The following TMEM272 variants were observed in gnomAD, a reference collection of about 807,000 sequenced individuals.
The protein encoded by TMEM272 is transmembrane protein 272, also known as long intergenic non-protein coding RNA 282.
In TMEM272, 8 loss-of-function variants were observed where a neutral mutation model predicts 3.7. The observed-to-expected ratio is 2.17, with a 90% CI of 1.27 to 3.91. The LOEUF (loss-of-function observed/expected upper bound fraction) is 3.91, where lower values mean the gene tolerates loss of function less well. Among genes scored for constraint, TMEM272 ranks in the 30% most tolerant of loss-of-function variants. The pLI is 0.00. For missense variants in TMEM272, 166 were observed against 91.5 expected, an observed-to-expected ratio of 1.81 and a Z score of -3.32; for synonymous variants, 63 against 39.8, an observed-to-expected ratio of 1.58 and a Z score of -2.20.
intron 3 of TMEM272, among the ~76,000 whole-genome samples, chr13:51,822,702 T>C (rs1333777872): frequency 6.6e-6 from 1 of 152,206 alleles, no homozygotes; most frequent in Admixed American, 6.5e-5. Flanking sequence ...TGCCACTCGC[T>C]GGACCCCATG....
chr13:51,866,007 A>G, the TMEM272 span: 30 of 1,611,914 alleles, frequency 1.9e-5, no homozygotes, highest in Non-Finnish European at 2.5e-5. Flanking sequence ...GCCGGAGAGC[A>G]GATGCTCGAA....
the TMEM272 span, among the ~76,000 whole-genome samples, chr13:51,931,588 C>T: frequency 5.0e-3 from 763 of 152,096 alleles, 6 homozygotes; most frequent in Non-Finnish European, 7.6e-3. Flanking sequence ...TGTGTACCTA[C>T]GTAACAAACC....
chr13:51,865,879 A>C, the TMEM272 span: 1 of 1,613,452 alleles, frequency 6.2e-7, no homozygotes, highest in Non-Finnish European at 8.5e-7. Context: ...GGGTAGAGGA[A>C]AGAGCCCTCC....
the TMEM272 span, among the ~76,000 whole-genome samples, chr13:51,870,430 T>G: frequency 6.6e-6 from 1 of 152,122 alleles, no homozygotes; most frequent in Admixed American, 6.5e-5. Flanking sequence ...AATTTTCAAA[T>G]TAAAGGGCAA....
chr13:51,914,990 A>T, the TMEM272 span, among the ~76,000 whole-genome samples: 4 of 152,238 alleles, frequency 2.6e-5, no homozygotes, highest in African/African-American at 4.8e-5. Context: ...GAAAAGAAGG[A>T]TATAAAATTA....
chr13:51,824,703 A>T (rs1302364214), intron 3 of TMEM272, among the ~76,000 whole-genome samples: 2 of 152,250 alleles, frequency 1.3e-5, no homozygotes, highest in Non-Finnish European at 2.9e-5. Context: ...CTGTCATCCC[A>T]GCGCTTTGGG....
At chr13:51,933,379 A>C in the TMEM272 span, 1 of 152,224 alleles carries the variant, frequency 6.6e-6, no homozygotes, top group African/African-American at 2.4e-5. Context: ...GACGTAATCT[A>C]TCAAAAGTGC....
At chr13:51,868,442 A>C in the TMEM272 span, among the ~76,000 whole-genome samples, 2 of 152,256 alleles carry the variant, frequency 1.3e-5, no homozygotes, top group Non-Finnish European at 2.9e-5. Flanking sequence ...AAGGATAAGT[A>C]AGCTGTGTAC....
the TMEM272 span, among the ~76,000 whole-genome samples, chr13:51,869,314 G>A: frequency 6.6e-6 from 1 of 152,078 alleles, no homozygotes; most frequent in African/African-American, 2.4e-5. Context: ...GAGGAGGGTG[G>A]ACCATGTCCT....
At chr13:51,880,713 AT>A in the TMEM272 span, among the ~76,000 whole-genome samples, 9 of 152,346 alleles carry the variant, frequency 5.9e-5, no homozygotes, top group Non-Finnish European at 1.0e-4. Context: ...TTGGGGCCAC[AT>A]TTTTGAATGT....
intron 2 of TMEM272, among the ~76,000 whole-genome samples, chr13:51,827,898 C>T (rs994392566): frequency 6.6e-5 from 10 of 152,184 alleles, no homozygotes; most frequent in African/African-American, 2.4e-4. Context: ...GGGAGATTTA[C>T]TGAGAGTCAG....
chr13:51,874,137 C>T, the TMEM272 span, among the ~76,000 whole-genome samples: 3 of 152,154 alleles, frequency 2.0e-5, no homozygotes, highest in Non-Finnish European at 2.9e-5. Flanking sequence ...GGGTCCCTGC[C>T]TGGGACAGTA....
the TMEM272 span, among the ~76,000 whole-genome samples, chr13:51,879,610 A>G: frequency 6.6e-6 from 1 of 152,214 alleles, no homozygotes; most frequent in East Asian, 1.9e-4. Context: ...CGCTATATAA[A>G]GGCAAATGAA....
chr13:51,817,601 G>A (rs1304876502), intron 4 of TMEM272, among the ~76,000 whole-genome samples: 9 of 152,146 alleles, frequency 5.9e-5, no homozygotes, highest in African/African-American at 9.7e-5. Context: ...AGGCTTGGCC[G>A]AATCCAGGTA....
At chr13:51,823,380 G>A (rs376460303) in intron 3 of TMEM272, among the ~76,000 whole-genome samples, 18 of 152,348 alleles carry the variant, frequency 1.2e-4, no homozygotes, top group African/African-American at 4.3e-4. Context: ...GCCCAGCCCA[G>A]GCCAAAGCAT....
the TMEM272 span, chr13:51,909,793 G>C: frequency 3.2e-6 from 5 of 1,585,230 alleles, no homozygotes; most frequent in Non-Finnish European, 4.3e-6. Flanking sequence ...ACAGCAGCCT[G>C]ATCTTTGATC....
At chr13:51,830,620 CTATTAT>C (rs1477623455) in intron 2 of TMEM272, among the ~76,000 whole-genome samples, 2 of 152,198 alleles carry the variant, frequency 1.3e-5, no homozygotes, top group Admixed American at 1.3e-4. Flanking sequence ...ATTATCATTA[CTATTAT>C]TATTTTCCAT....
upstream of TMEM272, among the ~76,000 whole-genome samples, chr13:51,847,314 G>A (rs12874582): frequency 0.012 from 1,857 of 152,234 alleles, 17 homozygotes; most frequent in African/African-American, 0.014. Flanking sequence ...GATCAGCAAC[G>A]GCATTTGATT....
the TMEM272 span, among the ~76,000 whole-genome samples, chr13:51,884,337 G>C: frequency 2.6e-5 from 4 of 152,164 alleles, no homozygotes; most frequent in Non-Finnish European, 5.9e-5. Flanking sequence ...ATGTTGACTT[G>C]GGTTTGAGAT....
Sources: allele counts gnomAD v4.1 joint callset (sites outside exome capture counted in the v4.1 genomes callset), GRCh38; gene constraint gnomAD v4.1.1; transcripts MANE v1.5; gene names NCBI Gene and HGNC (gene_info 2026-07-23, HGNC 2026-07-21).